The following MTARC2 variants were observed in gnomAD, a reference collection of about 807,000 sequenced individuals.
MTARC2 encodes mitochondrial amidoxime reducing component 2.
Under a neutral mutation model 35.6 loss-of-function variants are expected in MTARC2, and 27 were observed. The ratio of observed to expected loss-of-function variants is 0.76; its 90% confidence interval spans 0.56 to 1.04. The LOEUF (loss-of-function observed/expected upper bound fraction) is 1.04, where lower values mean the gene tolerates loss of function less well. MTARC2 is among the 50% of genes least tolerant of loss of function. The probability of loss-of-function intolerance (pLI) is 0.00; values close to 1 mark genes in which losing one functional copy is unlikely to be tolerated. For synonymous variants in MTARC2, 158 were observed against 167.1 expected (o/e 0.95, Z 0.42); for missense variants, 412 against 432.5 (o/e 0.95, Z 0.42).
At chr1:220,763,612 C>T (rs1671499663) in intron 4 of MTARC2, among the ~76,000 whole-genome samples, 1 of 152,164 alleles carries the variant, frequency 6.6e-6, no homozygotes, top group Non-Finnish European at 1.5e-5. Context: ...TACATCAGAA[C>T]CCAGTAGAAA....
intron 1 of MTARC2, chr1:220,754,376 C>T (rs1210625614): frequency 6.6e-6 from 3 of 456,282 alleles, no homozygotes; most frequent in Admixed American, 2.3e-5. Flanking sequence ...AGAATGTGTG[C>T]ATGAAGAGGA....
intron 1 of MTARC2, among the ~76,000 whole-genome samples, chr1:220,754,062 C>G (rs934106108): frequency 2.0e-5 from 3 of 152,064 alleles, no homozygotes; most frequent in African/African-American, 7.2e-5. Flanking sequence ...CGAAATGAAA[C>G]AAAACAACTA....
intron 3 of MTARC2, among the ~76,000 whole-genome samples, chr1:220,762,205 C>T (rs184794593): frequency 2.6e-5 from 4 of 152,286 alleles, no homozygotes; most frequent in Admixed American, 2.0e-4. Context: ...CTGACCCGCC[C>T]CTCACAATCT....
At chr1:220,766,175 T>C (rs1411551242) in intron 4 of MTARC2, among the ~76,000 whole-genome samples, 1 of 152,180 alleles carries the variant, frequency 6.6e-6, no homozygotes, top group Non-Finnish European at 1.5e-5. Context: ...AATCTAGACT[T>C]GGTGGGACCT....
At chr1:220,769,341 C>T (rs1671670993) in intron 4 of MTARC2, among the ~76,000 whole-genome samples, 1 of 152,226 alleles carries the variant, frequency 6.6e-6, no homozygotes, top group African/African-American at 2.4e-5. Context: ...GCAGCTAGGG[C>T]GGCCAGCGGA....
At chr1:220,778,259 AAAAAAAAAAG>A (rs1168520895) in intron 4 of MTARC2, among the ~76,000 whole-genome samples, 51 of 137,448 alleles carry the variant, frequency 3.7e-4, no homozygotes, top group Middle Eastern at 7.2e-3. Context: ...AAAAAAAAAA[AAAAAAAAAAG>A]AAAGAAAGAA....
intron 6 of MTARC2, 115 bp downstream of exon 6, chr1:220,780,354 C>A: frequency 1.2e-6 from 1 of 852,624 alleles, no homozygotes; most frequent in Non-Finnish European, 1.8e-6. Flanking sequence ...TCCGGAGAAC[C>A]TTCCAGTCTA....
At position 220,748,767 on chromosome 1, in the gene MTARC2, C is replaced by T; in HGVS notation, c.236C>T (p.Thr79Met). The T allele has an allele frequency of 6.3e-7, 1 of 1,599,228 alleles. No homozygotes were observed. Among genetic ancestry groups the T allele is most frequent in the Non-Finnish European group, 8.5e-7 (1 of 1,173,364 alleles). ...KGVPVSEAEC[T>M]AMGLRSGNLR... Reference sequence around the variant, plus strand: ...GTGCCGGTGAGCGAGGCTGAGTGCACGGCCATGGGGCTGCGCAGCGGCAAC... The same window carrying T: ...GTGCCGGTGAGCGAGGCTGAGTGCATGGCCATGGGGCTGCGCAGCGGCAAC... The change falls in exon 1 of 8, where the codon ACG (threonine) becomes ATG (methionine). Residue 79 changes from threonine to methionine, a missense_variant. Coordinates refer to ENST00000366913, the MANE Select transcript of MTARC2 (RefSeq NM_017898.5).
chr1:220,761,525 G>A, intron 2 of MTARC2, 133 bp from the exon 3 acceptor site: 1 of 780,014 alleles, frequency 1.3e-6, no homozygotes. Flanking sequence ...CTTCTGCCCA[G>A]CTTTGACCCA....
At chr1:220,756,018 A>T (rs1258714253) in intron 2 of MTARC2, among the ~76,000 whole-genome samples, 1 of 152,192 alleles carries the variant, frequency 6.6e-6, no homozygotes, top group Non-Finnish European at 1.5e-5. Context: ...GAGCTTTTCA[A>T]GTTGACTCTG....
Position 220,748,822 on chromosome 1 carries a change from G to A in MTARC2, c.272+19G>A, listed in dbSNP as rs1671054145. The stretch of plus-strand genomic sequence containing the variant: ...GGGACAGGTACAGCACAGCGCGGGC[G>A]CGGGGCAGCGCGGAGCCTGCCTGGG... On this transcript the variant is annotated intron_variant, in intron 1 of 7. Coordinates refer to ENST00000366913, the MANE Select transcript of MTARC2 (RefSeq NM_017898.5). 2 of 1,555,880 alleles carry A rather than the reference G, an allele frequency of 1.3e-6. No individual in the cohort carries two copies. The highest frequency in any genetic ancestry group is 1.4e-5 in the African/African-American group (1 of 71,964).
At chr1:220,768,500 C>G (rs1000468320) in intron 4 of MTARC2, among the ~76,000 whole-genome samples, 2 of 152,038 alleles carry the variant, frequency 1.3e-5, no homozygotes, top group African/African-American at 4.8e-5. Flanking sequence ...AGCGTGTGGC[C>G]AAGTGAGGAC....
At chr1:220,751,876 C>A (rs1671134128) in intron 1 of MTARC2, among the ~76,000 whole-genome samples, 1 of 152,130 alleles carries the variant, frequency 6.6e-6, no homozygotes, top group African/African-American at 2.4e-5. Context: ...TCAGATCTGG[C>A]AGAATAGAAC....
intron 2 of MTARC2, 54 bp downstream of exon 2, chr1:220,755,174 G>C (rs1426066270): frequency 6.7e-7 from 1 of 1,503,228 alleles, no homozygotes; most frequent in African/African-American, 1.4e-5. Flanking sequence ...TTCTCTTCAG[G>C]CTCCTCCTTG....
At chr1:220,750,065 C>T (rs1311143301) in intron 1 of MTARC2, among the ~76,000 whole-genome samples, 1 of 152,106 alleles carries the variant, frequency 6.6e-6, no homozygotes, top group Non-Finnish European at 1.5e-5. Flanking sequence ...GATTCCCATC[C>T]CAGGACTACG....
chr1:220,778,443 T>C (rs1307339244), intron 4 of MTARC2, among the ~76,000 whole-genome samples: 2 of 151,910 alleles, frequency 1.3e-5, no homozygotes, highest in African/African-American at 4.8e-5. Flanking sequence ...CCAGACACTT[T>C]TAAGCAACCG....
chr1:220,759,039 G>C (rs1334204186), intron 2 of MTARC2, among the ~76,000 whole-genome samples: 1 of 152,066 alleles, frequency 6.6e-6, no homozygotes, highest in Non-Finnish European at 1.5e-5. Flanking sequence ...AATTTTATCT[G>C]TAATGTGATT....
intron 1 of MTARC2, among the ~76,000 whole-genome samples, chr1:220,750,547 G>GT: frequency 6.6e-6 from 1 of 152,260 alleles, no homozygotes; most frequent in East Asian, 1.9e-4. Flanking sequence ...AAATACAACT[G>GT]TATTACCTTT....
intron 1 of MTARC2, among the ~76,000 whole-genome samples, chr1:220,749,429 T>TCTTC (rs374929254): frequency 9.2e-5 from 5 of 54,344 alleles, no homozygotes; most frequent in African/African-American, 1.2e-4. Flanking sequence ...GCCTTCTTCT[T>TCTTC]TTTTTTTTTT....
Sources: gnomAD v4.1 joint callset for allele counts (sites outside exome capture counted in the v4.1 genomes callset) on GRCh38, gnomAD v4.1.1 for gene constraint, MANE v1.5 for transcripts, NCBI Gene and HGNC (gene_info 2026-07-23, HGNC 2026-07-21) for gene names.